STK38: variants seen among roughly 807,000 people sequenced by gnomAD.
The protein encoded by STK38 is serine/threonine-protein kinase 38.
Under a neutral mutation model 59.0 loss-of-function variants are expected in STK38, and 26 were observed. The ratio of observed to expected loss-of-function variants is 0.44; its 90% CI spans 0.32 to 0.61. The LOEUF (loss-of-function observed/expected upper bound fraction) is 0.61. Ranked by LOEUF, STK38 falls within the 20% of genes least tolerant of loss-of-function variation. The pLI, the probability that STK38 is intolerant of heterozygous loss-of-function variation, is 0.04. For missense variants in STK38, 433 were observed against 566.0 expected (o/e 0.76, Z 2.38); for synonymous variants, 175 against 176.6 (o/e 0.99, Z 0.07).
At position 36,515,412 on chromosome 6, in the gene STK38, C is replaced by A; in HGVS notation, c.595G>T (p.Ala199Ser). Residue 199 changes from alanine (A) to serine (S), a missense_variant, in exon 7 of 14, where the codon GCC becomes TCC. This residue lies in a region of STK38 where 293 missense variants were observed against 388.2 expected (regional missense o/e 0.75). Coordinates refer to ENST00000229812, the MANE Select transcript of STK38 (RefSeq NM_007271.4). Reference sequence around the variant, plus strand: ...CCAAGTTGGTGAATAGAGTCTATGGCTAATACTGTTTCTGCTATATAAAAC... The same window carrying A: ...CCAAGTTGGTGAATAGAGTCTATGGATAATACTGTTTCTGCTATATAAAAC... ...TQFYIAETVL[A>S]IDSIHQLGFI... 1 of 1,613,968 alleles carries A rather than the reference C, an allele frequency of 6.2e-7. No homozygotes were observed. Among genetic ancestry groups the A allele is most frequent in the Non-Finnish European group, 8.5e-7 (1 of 1,179,994 alleles).
intron 10 of STK38, 81 bp downstream of exon 10, chr6:36,499,792 C>T (rs369676737): frequency 8.9e-7 from 1 of 1,117,854 alleles, no homozygotes; most frequent in Non-Finnish European, 1.4e-6. Flanking sequence ...TAGATCACTG[C>T]CAATTGAAAC....
intron 1 of STK38, among the ~76,000 whole-genome samples, chr6:36,546,929 G>A (rs1365382402): frequency 1.3e-5 from 2 of 152,092 alleles, no homozygotes; most frequent in African/African-American, 4.8e-5. Flanking sequence ...CGCTCCAACT[G>A]CAAAAGGAGA....
intron 7 of STK38, among the ~76,000 whole-genome samples, chr6:36,514,911 G>C (rs1777213748): frequency 1.3e-5 from 2 of 151,224 alleles, no homozygotes; most frequent in Non-Finnish European, 2.9e-5. Context: ...GCATGATTTG[G>C]AACCTGGACT....
chr6:36,542,950 AAAT>A (rs1215537114), intron 1 of STK38, among the ~76,000 whole-genome samples: 1 of 152,100 alleles, frequency 6.6e-6, no homozygotes, highest in African/African-American at 2.4e-5. Context: ...GTCTCAAAAA[AAAT>A]AAATAAATAA....
Position 36,495,278 on chromosome 6 carries a change from C to T in STK38, c.*506G>A, listed in dbSNP as rs1776674795. The T allele has an allele frequency of 1.9e-5, 3 of 155,246 alleles. No individual in the cohort carries two copies. Among genetic ancestry groups the T allele is most frequent in the African/African-American group, 4.8e-5 (2 of 41,568 alleles). 9.6% of individuals were successfully genotyped at this position (155,246 alleles called of 1,614,324 possible). On this transcript the variant is annotated 3_prime_UTR_variant, in exon 14 of 14. Transcript: ENST00000229812. ...ACTACCATCACCACCCTCAGGGTGG[C>T]GGATCATTTCCTTCAGCCAGAATCC...
intron 6 of STK38, 73 bp from the exon 7 acceptor site, chr6:36,515,565 G>T: frequency 6.3e-7 from 1 of 1,576,500 alleles, no homozygotes; most frequent in South Asian, 1.1e-5. Flanking sequence ...CAACATACGA[G>T]TGAGTACCAA....
chr6:36,538,229 G>C (rs753473892), intron 2 of STK38, among the ~76,000 whole-genome samples: 2 of 151,864 alleles, frequency 1.3e-5, no homozygotes, highest in Non-Finnish European at 2.9e-5. Context: ...GCGTGAACCT[G>C]GGAGGCGGAG....
chr6:36,541,119 C>T (rs1777926286), intron 1 of STK38, among the ~76,000 whole-genome samples: 1 of 151,508 alleles, frequency 6.6e-6, no homozygotes, highest in African/African-American at 2.4e-5. Flanking sequence ...AGGATGGTCT[C>T]AAAACTCCTG....
At chr6:36,545,753 TTTGTTTCA>T (rs1778041124) in intron 1 of STK38, among the ~76,000 whole-genome samples, 1 of 152,182 alleles carries the variant, frequency 6.6e-6, no homozygotes, top group East Asian at 1.9e-4. Flanking sequence ...CTTTGCCCCA[TTTGTTTCA>T]TTCTTCAACT....
intron 8 of STK38, among the ~76,000 whole-genome samples, chr6:36,507,082 G>C (rs1776980937): frequency 6.6e-6 from 1 of 152,204 alleles, no homozygotes; most frequent in African/African-American, 2.4e-5. Flanking sequence ...AGGATGAACT[G>C]AAATTTTACT....
At chr6:36,520,902 T>TC (rs1283979086) in intron 5 of STK38, among the ~76,000 whole-genome samples, 1 of 152,078 alleles carries the variant, frequency 6.6e-6, no homozygotes, top group Non-Finnish European at 1.5e-5. Context: ...CCAATCTCCA[T>TC]CCCCCCTCTT....
At chr6:36,537,386 G>A (rs538007357) in intron 2 of STK38, among the ~76,000 whole-genome samples, 4 of 152,218 alleles carry the variant, frequency 2.6e-5, no homozygotes, top group African/African-American at 7.2e-5. Flanking sequence ...CAATTCCACT[G>A]AATCTCTCTA....
rs1214217676 is a variant in STK38, at chr6:36,538,891, C to CAAA, written c.131+1178_131+1180dup. On this transcript the variant is annotated intron_variant, in intron 2 of 13. Transcript: ENST00000229812. ...TGGGTGACAGAACAAGACTCTGTCT[C>CAAA]AAAAAAAAAAAAAAAAAAAAAGGAA... Among the ~76,000 whole-genome samples, 182 of 53,800 alleles carry CAAA rather than the reference C, an allele frequency of 3.4e-3. 2 individuals are homozygous for CAAA. The highest frequency in any genetic ancestry group is 0.016 in the Middle Eastern group (1 of 64). 35.3% of individuals were successfully genotyped at this position (53,800 alleles called of 152,430 possible).
At position 36,547,406 on chromosome 6, in the gene STK38, T is replaced by G. The variant is rs1257170844; in HGVS notation, c.-222A>C. ...CAACTGCCGGAAAAGACGCGAGCGC[T>G]GAGGGGCCAAGGCAGCCCGGTCCCC... On this transcript the variant is annotated 5_prime_UTR_variant, in exon 1 of 14. Transcript: ENST00000229812. The G allele has an allele frequency of 6.6e-6, 1 of 152,254 alleles. No homozygotes were observed. Among genetic ancestry groups the G allele is most frequent in the Non-Finnish European group, 1.5e-5 (1 of 68,140 alleles). 9.4% of individuals were successfully genotyped at this position (152,254 alleles called of 1,614,324 possible). A position where few individuals can be genotyped will look rare whatever the true frequency, so the allele number is the denominator to read the frequency against.
At chr6:36,525,908 C>A (rs1275522731) in intron 2 of STK38, among the ~76,000 whole-genome samples, 3 of 152,096 alleles carry the variant, frequency 2.0e-5, no homozygotes, top group African/African-American at 7.2e-5. Context: ...GGCTAGAATG[C>A]AGTGGCGCAA....
At chr6:36,518,514 G>A (rs992377519) in intron 5 of STK38, among the ~76,000 whole-genome samples, 1 of 152,114 alleles carries the variant, frequency 6.6e-6, no homozygotes, top group Non-Finnish European at 1.5e-5. Context: ...TTTAAATGCA[G>A]AACAGTAATC....
At chr6:36,534,500 A>C (rs1777739911) in intron 2 of STK38, among the ~76,000 whole-genome samples, 1 of 152,050 alleles carries the variant, frequency 6.6e-6, no homozygotes, top group African/African-American at 2.4e-5. Flanking sequence ...AGGTAAAAAA[A>C]AAATTAGCCA....
chr6:36,544,017 T>C (rs1251027602), intron 1 of STK38, among the ~76,000 whole-genome samples: 2 of 152,216 alleles, frequency 1.3e-5, no homozygotes, highest in Admixed American at 6.5e-5. Context: ...TAAATTGTTT[T>C]GTGGATTAAA....
intron 1 of STK38, among the ~76,000 whole-genome samples, chr6:36,540,940 C>G (rs1777921659): frequency 6.6e-6 from 1 of 151,744 alleles, no homozygotes; most frequent in Non-Finnish European, 1.5e-5. Context: ...GCTCTGTCGC[C>G]CAGGCTGGAG....
Sources: allele counts gnomAD v4.1 joint callset (sites outside exome capture counted in the v4.1 genomes callset), GRCh38; gene constraint gnomAD v4.1.1; regional missense constraint gnomAD v4.1.1; transcripts MANE v1.5; gene names NCBI Gene and HGNC (gene_info 2026-07-23, HGNC 2026-07-21).